The following CDK19 variants were observed in gnomAD, a reference collection of about 807,000 sequenced individuals.
The protein encoded by CDK19 is cyclin-dependent kinase 19.
Under a neutral mutation model 68.3 loss-of-function variants are expected in CDK19, and 20 were observed. The ratio of observed to expected loss-of-function variants is 0.29; its 90% CI spans 0.21 to 0.43. The LOEUF is 0.43. Ranked by LOEUF, CDK19 falls within the 20% of genes least tolerant of loss-of-function variation. The pLI is 1.00. For missense variants in CDK19, 339 were observed against 623.5 expected, an observed-to-expected ratio of 0.54 and a Z score of 4.86; for synonymous variants, 221 against 222.8, an observed-to-expected ratio of 0.99 and a Z score of 0.07.
At chr6:110,758,963 TAAAAA>T (rs71671379) in intron 1 of CDK19, among the ~76,000 whole-genome samples, 23 of 146,782 alleles carry the variant, frequency 1.6e-4, no homozygotes, top group Non-Finnish European at 2.3e-4. Flanking sequence ...AATAAATACT[TAAAAA>T]AAAAAATGAT....
chr6:110,626,952 G>T (rs534987233), intron 7 of CDK19, 50 bp downstream of exon 7: 32 of 1,518,164 alleles, frequency 2.1e-5, no homozygotes, highest in Non-Finnish European at 2.4e-5. Context: ...GAGAAGAAAT[G>T]ATTTTGAAAT....
intron 5 of CDK19, among the ~76,000 whole-genome samples, chr6:110,632,600 G>A (rs1297438237): frequency 6.6e-6 from 1 of 152,092 alleles, no homozygotes; most frequent in African/African-American, 2.4e-5. Context: ...GCATGGTGGT[G>A]CGCACCTGTA....
intron 1 of CDK19, among the ~76,000 whole-genome samples, chr6:110,762,998 AAG>A (rs1231376088): frequency 1.3e-5 from 2 of 152,210 alleles, no homozygotes; most frequent in Non-Finnish European, 2.9e-5. Flanking sequence ...GGTTTACAGT[AAG>A]AGTCTAGAAT....
At chr6:110,814,933 C>T in intron 1 of CDK19, 76 bp downstream of exon 1, 1 of 1,583,202 alleles carries the variant, frequency 6.3e-7, no homozygotes, top group Non-Finnish European at 8.6e-7. Context: ...CGACTGGGAT[C>T]CGACCCACCC....
chr6:110,750,814 G>A (rs932272359), intron 1 of CDK19, among the ~76,000 whole-genome samples: 3 of 152,058 alleles, frequency 2.0e-5, no homozygotes, highest in Non-Finnish European at 4.4e-5. Context: ...GGGAGGAAGG[G>A]AAGGAAACAG....
At chr6:110,630,360 G>T (rs1779362595) in intron 6 of CDK19, among the ~76,000 whole-genome samples, 3 of 152,098 alleles carry the variant, frequency 2.0e-5, no homozygotes, top group Non-Finnish European at 4.4e-5. Flanking sequence ...CTGTTCTAAG[G>T]CATCACCTTT....
intron 1 of CDK19, among the ~76,000 whole-genome samples, chr6:110,753,332 A>C (rs1252891216): frequency 2.0e-5 from 3 of 152,144 alleles, no homozygotes. Context: ...TAAAATTATA[A>C]AATTTTAGAA....
intron 1 of CDK19, among the ~76,000 whole-genome samples, chr6:110,776,335 A>G (rs972284812): frequency 1.3e-5 from 2 of 152,086 alleles, no homozygotes; most frequent in Non-Finnish European, 2.9e-5. Flanking sequence ...AGGCTGAGGC[A>G]GGAGAATCGC....
At chr6:110,670,593 A>G (rs1312629324) in intron 2 of CDK19, 52 bp from the exon 3 acceptor site, 2 of 1,029,958 alleles carry the variant, frequency 1.9e-6, no homozygotes, top group Non-Finnish European at 3.1e-6. Context: ...AGGAGGGGGA[A>G]ATGATGAATG....
Position 110,614,416 on chromosome 6 carries a change from T to A in CDK19, c.*119A>T. The A allele has an allele frequency of 1.2e-6, 1 of 866,030 alleles. No homozygotes were observed. Among genetic ancestry groups the A allele is most frequent in the South Asian group, 1.7e-5 (1 of 57,588 alleles). The allele number at this position is 866,030 out of a possible 1,614,324, so 53.6% of individuals were successfully genotyped here. ...CAATGCTCAGTATATAAGGTTTTCC[T>A]CCCATGTGTATGAGTTTTAAATGGC... On this transcript the variant is annotated 3_prime_UTR_variant, in exon 13 of 13. Transcript: ENST00000368911.
chr6:110,728,004 A>T (rs1317609985), intron 2 of CDK19, among the ~76,000 whole-genome samples: 1 of 141,440 alleles, frequency 7.1e-6, no homozygotes, highest in Non-Finnish European at 1.5e-5. Context: ...AAAAAAAATG[A>T]GAAAGGCCAG....
intron 1 of CDK19, among the ~76,000 whole-genome samples, chr6:110,800,779 A>C (rs927073629): frequency 3.3e-5 from 5 of 152,176 alleles, no homozygotes; most frequent in Non-Finnish European, 5.9e-5. Flanking sequence ...CTCAACAAAC[A>C]AGGCACTGAA....
chr6:110,781,230 A>G (rs1023070208), intron 1 of CDK19, among the ~76,000 whole-genome samples: 2 of 152,152 alleles, frequency 1.3e-5, no homozygotes, highest in Non-Finnish European at 2.9e-5. Context: ...GCTTTCAATC[A>G]CGGCACAAGG....
intron 4 of CDK19, among the ~76,000 whole-genome samples, chr6:110,653,569 T>C (rs2114285195): frequency 6.6e-6 from 1 of 152,316 alleles, no homozygotes; most frequent in Non-Finnish European, 1.5e-5. Context: ...ACACTTTGGT[T>C]ACCATAGAAA....
intron 4 of CDK19, among the ~76,000 whole-genome samples, chr6:110,655,425 T>C (rs12201131): frequency 0.053 from 8,059 of 152,088 alleles, 232 homozygotes; most frequent in Middle Eastern, 0.079. Flanking sequence ...CCAAAATCTA[T>C]ACCTCTAGGT....
chr6:110,750,424 A>T (rs980696419), intron 1 of CDK19, among the ~76,000 whole-genome samples: 2 of 152,160 alleles, frequency 1.3e-5, no homozygotes, highest in African/African-American at 4.8e-5. Flanking sequence ...AAGAAGGGAC[A>T]CCTGTGATAG....
chr6:110,796,886 T>C (rs1781973603), intron 1 of CDK19, among the ~76,000 whole-genome samples: 1 of 150,938 alleles, frequency 6.6e-6, no homozygotes, highest in African/African-American at 2.4e-5. Context: ...GGCACACACC[T>C]GTAATCCCAG....
chr6:110,726,654 T>C (rs772916089), intron 2 of CDK19, among the ~76,000 whole-genome samples: 2 of 152,130 alleles, frequency 1.3e-5, no homozygotes, highest in East Asian at 1.9e-4. Flanking sequence ...TTTTTGTTAA[T>C]AGCAAACAAA....
chr6:110,638,746 T>C, intron 4 of CDK19, 40 bp from the exon 5 acceptor site: 1 of 1,040,374 alleles, frequency 9.6e-7, no homozygotes, highest in East Asian at 2.4e-5. Flanking sequence ...CCATGTTTAT[T>C]CTTTTGACAT....
Sources: gnomAD v4.1 joint callset for allele counts (sites outside exome capture counted in the v4.1 genomes callset) on GRCh38, gnomAD v4.1.1 for gene constraint, MANE v1.5 for transcripts, NCBI Gene and HGNC (gene_info 2026-07-23, HGNC 2026-07-21) for gene names.